OLFM3: variants seen among roughly 807,000 people sequenced by gnomAD.
OLFM3 encodes the protein olfactomedin 3, also known as noelin-3.
Under a neutral mutation model 48.6 loss-of-function variants are expected in OLFM3, and 20 were observed. The ratio of observed to expected loss-of-function variants is 0.41; its 90% confidence interval spans 0.29 to 0.60. The LOEUF (loss-of-function observed/expected upper bound fraction) is 0.60. OLFM3 is among the 20% of genes least tolerant of loss of function. The pLI is 0.28. For synonymous variants in OLFM3, 222 were observed against 198.1 expected (o/e 1.12, Z -1.01); for missense variants, 437 against 544.3 (o/e 0.80, Z 1.96).
intron 1 of OLFM3, among the ~76,000 whole-genome samples, chr1:101,900,372 C>T (rs567139528): frequency 8.5e-4 from 129 of 152,136 alleles, no homozygotes; most frequent in Non-Finnish European, 1.6e-3. Context: ...ACAAAGTTTT[C>T]CCAGAGGAAG....
intron 1 of OLFM3, among the ~76,000 whole-genome samples, chr1:101,896,998 A>G (rs996174933): frequency 2.0e-5 from 3 of 152,108 alleles, no homozygotes; most frequent in African/African-American, 7.2e-5. Context: ...GAAATACAGA[A>G]CACAAAACTT....
At chr1:101,866,620 T>C (rs1206355613) in intron 1 of OLFM3, among the ~76,000 whole-genome samples, 5 of 152,162 alleles carry the variant, frequency 3.3e-5, no homozygotes, top group Non-Finnish European at 7.4e-5. Flanking sequence ...TAACATTTAA[T>C]AGTACTTAAT....
chr1:101,811,816 C>T (rs1206697808), intron 4 of OLFM3, among the ~76,000 whole-genome samples: 1 of 152,090 alleles, frequency 6.6e-6, no homozygotes, highest in Non-Finnish European at 1.5e-5. Flanking sequence ...TACCATTTGA[C>T]CCAGCCATCC....
intron 1 of OLFM3, among the ~76,000 whole-genome samples, chr1:101,973,241 G>A (rs1660859566): frequency 6.6e-6 from 1 of 152,196 alleles, no homozygotes; most frequent in Non-Finnish European, 1.5e-5. Flanking sequence ...TGAGACTGAT[G>A]GCCTGCGAAC....
intron 1 of OLFM3, among the ~76,000 whole-genome samples, chr1:101,910,462 T>C (rs1658722379): frequency 7.4e-6 from 1 of 134,726 alleles, no homozygotes; most frequent in East Asian, 2.2e-4. Flanking sequence ...CGAGACTCCG[T>C]CTCAACTGAA....
chr1:101,832,914 T>C (rs1404004329), intron 2 of OLFM3, among the ~76,000 whole-genome samples: 1 of 152,210 alleles, frequency 6.6e-6, no homozygotes, highest in Non-Finnish European at 1.5e-5. Context: ...AACGCCATTG[T>C]GGATAAATGC....
chr1:101,847,103 C>A, intron 1 of OLFM3: 1 of 1,350,336 alleles, frequency 7.4e-7, no homozygotes, highest in East Asian at 2.6e-5. Flanking sequence ...CTCTAATCAC[C>A]CAGGAAAGCT....
At chr1:101,809,867 G>T (rs914308677) in intron 4 of OLFM3, among the ~76,000 whole-genome samples, 1 of 151,912 alleles carries the variant, frequency 6.6e-6, no homozygotes, top group Non-Finnish European at 1.5e-5. Context: ...CCACCACTTA[G>T]CTCCCAAGGA....
intron 1 of OLFM3, among the ~76,000 whole-genome samples, chr1:101,873,353 T>C (rs1345551556): frequency 6.6e-6 from 1 of 151,928 alleles, no homozygotes; most frequent in Non-Finnish European, 1.5e-5. Flanking sequence ...ACAATTTATT[T>C]TGTATGGTGG....
intron 1 of OLFM3, among the ~76,000 whole-genome samples, chr1:101,920,521 T>C (rs59933676): frequency 8.5e-5 from 13 of 152,224 alleles, no homozygotes; most frequent in Non-Finnish European, 1.6e-4. Flanking sequence ...GTAAAATATG[T>C]TCACTACTTT....
At chr1:101,953,484 C>T (rs1451733372) in intron 1 of OLFM3, among the ~76,000 whole-genome samples, 1 of 152,170 alleles carries the variant, frequency 6.6e-6, no homozygotes, top group African/African-American at 2.4e-5. Flanking sequence ...AAGACTCCTA[C>T]ACTAGATGTT....
chr1:101,824,643 AAACAACAACAAC>A (rs149607229), intron 4 of OLFM3, among the ~76,000 whole-genome samples: 137 of 150,484 alleles, frequency 9.1e-4, no homozygotes, highest in Middle Eastern at 3.4e-3. Flanking sequence ...CCCACTAACC[AAACAACAACAAC>A]AACAACAACA....
intron 4 of OLFM3, among the ~76,000 whole-genome samples, chr1:101,809,695 T>C (rs1035451881): frequency 1.3e-5 from 2 of 151,866 alleles, no homozygotes; most frequent in African/African-American, 2.4e-5. Flanking sequence ...GTGGAATTGA[T>C]ACATAGATAG....
chr1:101,901,662 T>C (rs1415806410), intron 1 of OLFM3, among the ~76,000 whole-genome samples: 1 of 151,640 alleles, frequency 6.6e-6, no homozygotes, highest in Non-Finnish European at 1.5e-5. Flanking sequence ...GAAGTATGAG[T>C]GGGGAAGAAT....
In OLFM3 at chr1:101,847,071, G is replaced by A. The variant is rs1656033133; in HGVS notation, c.70-10046C>T. ...CTGCAGCGCGCCACATCTACAGCATGAAAAGAGATCAACTTCCCCAGCTCT... is the reference window on the plus strand; with the variant it reads ...CTGCAGCGCGCCACATCTACAGCATAAAAAGAGATCAACTTCCCCAGCTCT... On this transcript the variant is annotated intron_variant, in intron 1 of 5. Coordinates refer to ENST00000370103, the MANE Select transcript of OLFM3 (RefSeq NM_058170.4). The A allele has an allele frequency of 2.1e-6, 3 of 1,448,582 alleles. No individual in the cohort carries two copies. The African/African-American group carries it at 4.2e-5, about 20-fold the overall frequency. 89.7% of individuals were successfully genotyped at this position (1,448,582 alleles called of 1,614,324 possible).
intron 1 of OLFM3, among the ~76,000 whole-genome samples, chr1:101,888,611 C>T (rs562795294): frequency 5.3e-5 from 8 of 152,252 alleles, no homozygotes; most frequent in Admixed American, 3.9e-4. Context: ...ATGACTAAAA[C>T]ACCAAAAGCA....
At chr1:101,992,858 C>T (rs1258636664) in intron 1 of OLFM3, among the ~76,000 whole-genome samples, 1 of 152,064 alleles carries the variant, frequency 6.6e-6, no homozygotes, top group Admixed American at 6.5e-5. Flanking sequence ...TTATTTAGGG[C>T]AAGAGATCTA....
At chr1:101,962,463 T>C (rs999632464) in intron 1 of OLFM3, among the ~76,000 whole-genome samples, 1 of 152,168 alleles carries the variant, frequency 6.6e-6, no homozygotes, top group African/African-American at 2.4e-5. Context: ...TCTAACTGGA[T>C]TGTTGAGTAC....
At chr1:101,934,272 C>T (rs1005255873) in intron 1 of OLFM3, among the ~76,000 whole-genome samples, 3 of 152,076 alleles carry the variant, frequency 2.0e-5, no homozygotes, top group Non-Finnish European at 2.9e-5. Flanking sequence ...GGAGAAAAAT[C>T]TACAAAGCTA....
Sources: allele counts gnomAD v4.1 joint callset (sites outside exome capture counted in the v4.1 genomes callset), GRCh38; gene constraint gnomAD v4.1.1; transcripts MANE v1.5; gene names NCBI Gene and HGNC (gene_info 2026-07-23, HGNC 2026-07-21).